The following TMTC4 variants were observed in gnomAD, a reference collection of about 807,000 sequenced individuals.
The protein encoded by TMTC4 is transmembrane O-mannosyltransferase targeting cadherins 4.
Under a neutral mutation model 86.0 loss-of-function variants are expected in TMTC4, and 65 were observed. The ratio of observed to expected loss-of-function variants is 0.76; its 90% confidence interval spans 0.62 to 0.93. The LOEUF is 0.93. Ranked by LOEUF, TMTC4 falls within the 40% of genes least tolerant of loss-of-function variation. TMTC4 has a pLI of 0.00. For synonymous variants in TMTC4, 379 were observed against 382.5 expected (o/e 0.99, Z 0.11); for missense variants, 866 against 948.1 (o/e 0.91, Z 1.14).
At position 100,606,393 on chromosome 13, in the gene TMTC4, G is replaced by C. The variant is rs75515464; in HGVS notation, c.2099C>G (p.Ala700Gly). 1 of 1,613,360 alleles carries C rather than the reference G, an allele frequency of 6.2e-7. No individual in the cohort carries two copies. Among genetic ancestry groups the C allele is most frequent in the African/African-American group, 1.3e-5 (1 of 75,024 alleles). Residue 700 changes from alanine (A) to glycine (G), a missense_variant, in exon 18 of 19, where the codon GCA becomes GGA. Coordinates refer to ENST00000342624, the MANE Select transcript of TMTC4 (RefSeq NM_032813.5). The stretch of plus-strand genomic sequence containing the variant: ...ATGGTAACTTGCAGCATTTGGATTT[G>C]CTTTAATTGCCTTGAGGAATAAAGC... ...SEALFLKAIK[A>G]NPNAASYHGN...
chr13:100,673,628 GGCT>G (rs1237035591), intron 1 of TMTC4, among the ~76,000 whole-genome samples: 1 of 152,198 alleles, frequency 6.6e-6, no homozygotes, highest in Non-Finnish European at 1.5e-5. Flanking sequence ...TGCTACTGAA[GGCT>G]AAGGTATCGT....
Position 100,664,463 on chromosome 13 carries a change from A to G in TMTC4, c.220-127T>C, listed in dbSNP as rs1210256240. 7 of 609,246 alleles carry G rather than the reference A, an allele frequency of 1.1e-5. No homozygotes were observed. The African/African-American group carries it at 1.3e-4, about 12-fold the overall frequency. The allele number at this position is 609,246 out of a possible 1,614,324, so 37.7% of individuals were successfully genotyped here. A position where few individuals can be genotyped will look rare whatever the true frequency, so the allele number is the denominator to read the frequency against. On this transcript the variant is annotated intron_variant, in intron 3 of 18. Transcript: ENST00000342624. ...GGATGCTGTGCCCAACATGTTCTCT[A>G]TGTTGATATCTCGAAATACACATGG...
intron 12 of TMTC4, among the ~76,000 whole-genome samples, chr13:100,629,167 A>G (rs1302829983): frequency 6.6e-6 from 1 of 152,186 alleles, no homozygotes; most frequent in African/African-American, 2.4e-5. Flanking sequence ...AAAAAGAAAA[A>G]GTGAAAGAAA....
intron 5 of TMTC4, among the ~76,000 whole-genome samples, chr13:100,657,180 G>A (rs1423969618): frequency 6.6e-6 from 1 of 152,176 alleles, no homozygotes; most frequent in Admixed American, 6.5e-5. Context: ...CAAAGGTCAT[G>A]ATATTTAAAA....
At chr13:100,623,767 C>T in intron 15 of TMTC4, 1 of 239,020 alleles carries the variant, frequency 4.2e-6, no homozygotes. Context: ...AATGCACCAG[C>T]TGATGGGTAC....
At position 100,604,080 on chromosome 13, in the gene TMTC4, C is replaced by T. The variant is rs779331637; in HGVS notation, c.*914G>A. On this transcript the variant is annotated 3_prime_UTR_variant, in exon 19 of 19. Transcript: ENST00000342624. ...AACAACTCAATTCTTAAAAATACCACGAATTCCCCGAATGTGGCTCCATTT... is the reference window on the plus strand; with the variant it reads ...AACAACTCAATTCTTAAAAATACCATGAATTCCCCGAATGTGGCTCCATTT... 1.2e-4 allele frequency: 18 copies of T among 152,604 alleles called. No homozygotes were observed. Among genetic ancestry groups the T allele is most frequent in the African/African-American group, 3.6e-4 (15 of 41,446 alleles). 9.5% of individuals were successfully genotyped at this position (152,604 alleles called of 1,614,324 possible). A position where few individuals can be genotyped will look rare whatever the true frequency, so the allele number is the denominator to read the frequency against.
intron 15 of TMTC4, among the ~76,000 whole-genome samples, chr13:100,623,143 C>T (rs961793399): frequency 3.3e-5 from 5 of 152,232 alleles, no homozygotes; most frequent in African/African-American, 1.2e-4. Context: ...CATGATTACC[C>T]TGTTATCCAA....
At position 100,674,530 on chromosome 13, in the gene TMTC4, A is replaced by G. The variant is rs1423075124; in HGVS notation, c.-208+214T>C. Reference sequence around the variant, plus strand: ...GCCTCCACGCCGCGCCCTTTGTCCCATGTGCGGCTCACACAGGGGCCCGCG... The same window carrying G: ...GCCTCCACGCCGCGCCCTTTGTCCCGTGTGCGGCTCACACAGGGGCCCGCG... On this transcript the variant is annotated intron_variant, in intron 1 of 18. Transcript: ENST00000342624. 16 of 979,328 alleles carry G rather than the reference A, an allele frequency of 1.6e-5. No homozygotes were observed. The South Asian group carries it at 4.7e-4, about 29-fold the overall frequency. 60.7% of individuals were successfully genotyped at this position (979,328 alleles called of 1,614,324 possible).
Position 100,664,287 on chromosome 13 carries a change from C to A in TMTC4, c.269G>T (p.Trp90Leu). 6.2e-7 allele frequency: 1 copy of A among 1,612,452 alleles called. No individual in the cohort carries two copies. Among genetic ancestry groups the A allele is most frequent in the South Asian group, 1.1e-5 (1 of 90,894 alleles). ...PLGDLWHHDF[W>L]GSRLSSNTSH... ...GGTGTTGCTGCTCAGTCTACTGCCC[C>A]AGAAGTCATGATGCCACAGGTCCCC... The change falls in exon 4 of 19, where the codon TGG becomes TTG. Residue 90 changes from tryptophan (W) to leucine (L), a missense_variant. Trp to Leu is a moderately conservative substitution (Grantham distance 61). Coordinates refer to ENST00000342624, the MANE Select transcript of TMTC4 (RefSeq NM_032813.5).
At chr13:100,654,203 A>G (rs1389972570) in intron 6 of TMTC4, among the ~76,000 whole-genome samples, 1 of 152,222 alleles carries the variant, frequency 6.6e-6, no homozygotes, top group Non-Finnish European at 1.5e-5. Context: ...AAAGCTTTCT[A>G]TGGAAGCCAC....
rs1315198543 is a variant in TMTC4 at position 100,637,672 on chromosome 13, G to A, written c.865C>T (p.Leu289Phe). ...GAGGTGAGCAGGGTCATTCTGAAGAGGAGGCCCCCGTTCCTGAGCATGCCG... is the reference window on the plus strand; with the variant it reads ...GAGGTGAGCAGGGTCATTCTGAAGAAGAGGCCCCCGTTCCTGAGCATGCCG... The part of the protein sequence containing the change: ...NLGMLRNGGL[L>F]FRMTLLTSGG... Residue 289 changes from leucine to phenylalanine, a missense_variant, in exon 9 of 19, where the codon CTC (leucine) becomes TTC (phenylalanine). Physicochemically the swap from Leu to Phe is conservative, Grantham distance 22. Transcript: ENST00000342624. 3.7e-6 allele frequency: 6 copies of A among 1,614,046 alleles called. No homozygotes were observed. The highest frequency in any genetic ancestry group is 5.1e-6 in the Non-Finnish European group (6 of 1,180,026).
In TMTC4 at chr13:100,659,043, A is replaced by AT. The variant is rs200010130; in HGVS notation, c.553-2576dup. ...TTAGGCAAACTTTTCTACAAAGGCT[A>AT]TTTTTTTTCTCACAAATACTGTGAA... On this transcript the variant is annotated intron_variant, in intron 5 of 18. Transcript: ENST00000342624. Among the ~76,000 whole-genome samples, 186 of 152,084 alleles carry AT rather than the reference A, an allele frequency of 1.2e-3. 3 individuals carry two copies. In the South Asian group the frequency reaches 0.015, roughly 13 times the overall value.
chr13:100,652,748 C>T (rs187419985), intron 6 of TMTC4, among the ~76,000 whole-genome samples: 1 of 152,180 alleles, frequency 6.6e-6, no homozygotes, highest in African/African-American at 2.4e-5. Flanking sequence ...AGGAAAAAGT[C>T]AACAGGAAAG....
At chr13:100,675,072 C>A (rs968572031), upstream of TMTC4, 59 of 985,384 alleles carry the variant, frequency 6.0e-5, no homozygotes, top group African/African-American at 1.0e-3. Context: ...ACGGACCCGG[C>A]GGGAGAGGAG....
In TMTC4 at chr13:100,656,370, A is replaced by T; in HGVS notation, c.640+11T>A. 1 of 1,606,624 alleles carries T rather than the reference A, an allele frequency of 6.2e-7. No homozygotes were observed. Among genetic ancestry groups the T allele is most frequent in the Middle Eastern group, 1.7e-4 (1 of 6,024 alleles). The stretch of plus-strand genomic sequence containing the variant: ...AAGGTGGAAAATTAAGAAGGCAAAC[A>T]GAATGCTTACTTTCTCTAAATGCTT... On this transcript the variant is annotated intron_variant, in intron 6 of 18. Transcript: ENST00000342624.
At chr13:100,612,658 C>CAT (rs1248248871) in intron 16 of TMTC4, 148 bp from the exon 17 acceptor site, 6 of 97,660 alleles carry the variant, frequency 6.1e-5, no homozygotes, top group Middle Eastern at 2.1e-3. Context: ...ATGTAATACA[C>CAT]ACACACACAC....
chr13:100,625,418 C>A (rs1290344771), intron 15 of TMTC4, 117 bp downstream of exon 15: 5 of 1,371,016 alleles, frequency 3.6e-6, no homozygotes, highest in Non-Finnish European at 5.1e-6. Context: ...GAGATAGAAA[C>A]ATGTGAAAGA....
chr13:100,625,830 T>C lies in TMTC4; in HGVS notation c.1649A>G (p.Glu550Gly). Residue 550 changes from glutamate to glycine, a missense_variant, in exon 14 of 19, where the codon GAG becomes GGG. Physicochemically the swap from Glu to Gly is moderately conservative, Grantham distance 98 (BLOSUM62 -2). Coordinates refer to ENST00000342624, the MANE Select transcript of TMTC4 (RefSeq NM_032813.5). ...NLGNILKERN[E>G]LQEAEELLSL... ...CAGCAGCTCCTCAGCTTCCTGTAGC[T>C]CATTCCTTTCTTTTAAGATATTTCC... The C allele has an allele frequency of 6.2e-7, 1 of 1,613,878 alleles. No individual in the cohort carries two copies. The highest frequency in any genetic ancestry group is 8.5e-7 in the Non-Finnish European group (1 of 1,180,040).
At chr13:100,671,275 G>A (rs1459160619) in intron 1 of TMTC4, among the ~76,000 whole-genome samples, 2 of 152,150 alleles carry the variant, frequency 1.3e-5, no homozygotes, top group African/African-American at 2.4e-5. Flanking sequence ...TGGGACTATA[G>A]GAGTGTGCCA....
Sources: allele counts gnomAD v4.1 joint callset (sites outside exome capture counted in the v4.1 genomes callset), GRCh38; gene constraint gnomAD v4.1.1; transcripts MANE v1.5; gene names NCBI Gene and HGNC (gene_info 2026-07-23, HGNC 2026-07-21).